The following HECW2 variants were observed in gnomAD, a reference collection of about 807,000 sequenced individuals.
HECW2 encodes E3 ubiquitin-protein ligase HECW2.
A neutral mutation model predicts 175.2 loss-of-function variants in HECW2; 61 were observed. The ratio of observed to expected loss-of-function variants is 0.35; its 90% confidence interval spans 0.28 to 0.43. The LOEUF (loss-of-function observed/expected upper bound fraction) is 0.43, where lower values mean the gene tolerates loss of function less well. Among genes scored for constraint, HECW2 ranks in the 20% least tolerant of loss-of-function variants. The pLI, the probability that HECW2 is intolerant of heterozygous loss-of-function variation, is 1.00. For synonymous variants in HECW2, 671 were observed against 731.0 expected (o/e 0.92, Z 1.32); for missense variants, 1,524 against 2,000.5 (o/e 0.76, Z 4.54).
At chr2:196,490,812 A>G (rs1316952534) in intron 1 of HECW2, among the ~76,000 whole-genome samples, 1 of 152,234 alleles carries the variant, frequency 6.6e-6, no homozygotes, top group African/African-American at 2.4e-5. Context: ...CACAACATGA[A>G]TGAACCTCAA....
intron 14 of HECW2, among the ~76,000 whole-genome samples, chr2:196,281,466 T>A (rs994556670): frequency 6.6e-6 from 1 of 151,690 alleles, no homozygotes; most frequent in African/African-American, 2.4e-5. Flanking sequence ...GGCAAAACCC[T>A]GTCTCTACAA....
At chr2:196,210,376 T>C (rs1687234622) in intron 28 of HECW2, among the ~76,000 whole-genome samples, 1 of 152,068 alleles carries the variant, frequency 6.6e-6, no homozygotes, top group African/African-American at 2.4e-5. Context: ...TGACTTTTTT[T>C]TCCTTCAGAA....
At chr2:196,273,049 ATTTTTTTTTTTTTTTTTTTTTT>A (rs778348590) in intron 16 of HECW2, among the ~76,000 whole-genome samples, 23 of 113,118 alleles carry the variant, frequency 2.0e-4, no homozygotes, top group South Asian at 8.4e-4. Flanking sequence ...AGCTGGTCTA[ATTTTTTTTTTTTTTTTTTTTTT>A]TTTTTTTTTT....
intron 1 of HECW2, among the ~76,000 whole-genome samples, chr2:196,500,960 T>G (rs146428981): frequency 6.6e-6 from 1 of 152,238 alleles, no homozygotes; most frequent in East Asian, 1.9e-4. Flanking sequence ...AGTGAGGGCT[T>G]CCTTATTTTC....
intron 2 of HECW2, among the ~76,000 whole-genome samples, chr2:196,430,683 CA>C (rs1037742739): frequency 2.1e-4 from 32 of 151,224 alleles, no homozygotes; most frequent in African/African-American, 7.8e-4. Flanking sequence ...AGAATGAAGA[CA>C]AAAAAAGGGC....
intron 12 of HECW2, among the ~76,000 whole-genome samples, 173 bp from the exon 13 acceptor site, chr2:196,306,785 G>A (rs1264315165): frequency 1.3e-5 from 2 of 152,082 alleles, no homozygotes; most frequent in African/African-American, 2.4e-5. Context: ...AAACATGGCT[G>A]TTCTTAATTA....
At chr2:196,235,109 TTG>T (rs1216921385) in intron 21 of HECW2, among the ~76,000 whole-genome samples, 10 of 150,252 alleles carry the variant, frequency 6.7e-5, no homozygotes, top group Admixed American at 1.3e-4. Flanking sequence ...TATTTTTTTT[TTG>T]TTTTTAGACC....
chr2:196,482,646 G>A (rs1423888451), intron 1 of HECW2, among the ~76,000 whole-genome samples: 2 of 152,200 alleles, frequency 1.3e-5, no homozygotes. Flanking sequence ...AGGGTACCAG[G>A]GGGCAGGGGA....
At position 196,200,926 on chromosome 2, in the gene HECW2, G is replaced by T. The variant is rs1044623035; in HGVS notation, c.*351C>A. 5.9e-6 allele frequency: 1 copy of T among 170,128 alleles called. No individual in the cohort carries two copies. The highest frequency in any genetic ancestry group is 1.3e-5 in the Non-Finnish European group (1 of 78,380). The allele number at this position is 170,128 out of a possible 1,614,324, so 10.5% of individuals were successfully genotyped here. On this transcript the variant is annotated 3_prime_UTR_variant, in exon 29 of 29. Coordinates refer to ENST00000644978, the MANE Select transcript of HECW2 (RefSeq NM_001348768.2). ...ATGCTGCCAGTTTGGCTTGAACCAC[G>T]TTCAAGGGTAAGTTTCAAGATTCTC...
At chr2:196,352,222 A>G (rs1196921367) in intron 2 of HECW2, among the ~76,000 whole-genome samples, 1 of 152,216 alleles carries the variant, frequency 6.6e-6, no homozygotes, top group Non-Finnish European at 1.5e-5. Context: ...TGGCACCACC[A>G]GGCCACCTGC....
chr2:196,303,644 A>G (rs1261641282), intron 13 of HECW2, among the ~76,000 whole-genome samples: 1 of 152,132 alleles, frequency 6.6e-6, no homozygotes, highest in Non-Finnish European at 1.5e-5. Flanking sequence ...GGGAGGGTGT[A>G]TGTGTCCAGG....
chr2:196,566,534 CTT>C (rs397942390), intron 1 of HECW2, among the ~76,000 whole-genome samples: 11 of 139,476 alleles, frequency 7.9e-5, no homozygotes, highest in Non-Finnish European at 7.8e-5. Flanking sequence ...TTTTCTTTTT[CTT>C]TTTTTTTTTT....
chr2:196,533,794 A>G (rs1232591061), intron 1 of HECW2, among the ~76,000 whole-genome samples: 1 of 152,246 alleles, frequency 6.6e-6, no homozygotes. Flanking sequence ...TTAAGTGTGT[A>G]AGATGAAAGC....
At chr2:196,286,985 A>G (rs1690415590) in intron 14 of HECW2, among the ~76,000 whole-genome samples, 1 of 152,258 alleles carries the variant, frequency 6.6e-6, no homozygotes, top group Admixed American at 6.5e-5. Flanking sequence ...GATTGAAACC[A>G]GGGTCTGGGT....
chr2:196,575,455 G>A (rs974226851), intron 1 of HECW2, among the ~76,000 whole-genome samples: 8 of 151,916 alleles, frequency 5.3e-5, no homozygotes, highest in South Asian at 2.1e-4. Flanking sequence ...AAAGACATCC[G>A]CACTCCCATG....
At chr2:196,273,899 C>T in intron 16 of HECW2, 122 bp downstream of exon 16, 1 of 639,878 alleles carries the variant, frequency 1.6e-6, no homozygotes, top group Non-Finnish European at 2.7e-6. Context: ...AAGGATAATG[C>T]AGCAATTTCT....
intron 1 of HECW2, among the ~76,000 whole-genome samples, chr2:196,486,205 C>A (rs1687000109): frequency 6.6e-6 from 1 of 152,174 alleles, no homozygotes; most frequent in Non-Finnish European, 1.5e-5. Context: ...AAGAGCAATT[C>A]TAAACGTGAG....
chr2:196,482,804 C>T (rs1414265211), intron 1 of HECW2, among the ~76,000 whole-genome samples: 2 of 152,182 alleles, frequency 1.3e-5, no homozygotes, highest in African/African-American at 4.8e-5. Flanking sequence ...AAGATAGCAA[C>T]CACAGAGCAC....
chr2:196,279,637 T>C (rs1690112786), intron 14 of HECW2, among the ~76,000 whole-genome samples: 1 of 152,218 alleles, frequency 6.6e-6, no homozygotes, highest in Non-Finnish European at 1.5e-5. Context: ...TGGCTATCCA[T>C]TGTCCACAGA....
Sources: gnomAD v4.1 joint callset for allele counts (sites outside exome capture counted in the v4.1 genomes callset) on GRCh38, gnomAD v4.1.1 for gene constraint, MANE v1.5 for transcripts, NCBI Gene and HGNC (gene_info 2026-07-23, HGNC 2026-07-21) for gene names.